The following UPP1 variants were observed in gnomAD, a reference collection of about 807,000 sequenced individuals.
UPP1 encodes uridine phosphorylase 1.
Under a neutral mutation model 29.6 loss-of-function variants are expected in UPP1, and 25 were observed. The observed-to-expected ratio is 0.85, with a 90% CI of 0.62 to 1.18. The LOEUF is 1.18. UPP1 is among the 50% of genes most tolerant of loss of function. UPP1 has a pLI of 0.00. For missense variants in UPP1, 368 were observed against 410.4 expected (o/e 0.90, Z 0.89); for synonymous variants, 165 against 159.8 (o/e 1.03, Z -0.25).
At chr7:48,107,632 C>T in intron 8 of UPP1, 125 bp downstream of exon 8, 1 of 1,151,898 alleles carries the variant, frequency 8.7e-7, no homozygotes, top group Non-Finnish European at 1.2e-6. Context: ...GTTTCCGCTG[C>T]CCCCAAGTCA....
intron 4 of UPP1, among the ~76,000 whole-genome samples, chr7:48,100,463 G>A (rs1166489119): frequency 6.6e-6 from 1 of 152,140 alleles, no homozygotes; most frequent in Admixed American, 6.5e-5. Flanking sequence ...AAAGGTCATT[G>A]TATTTTGTTT....
intron 6 of UPP1, chr7:48,103,902 G>C (rs996709763): frequency 2.4e-6 from 3 of 1,276,408 alleles, no homozygotes; most frequent in Admixed American, 2.5e-5. Flanking sequence ...TCCTCAACAG[G>C]GACATTTTTT....
chr7:48,107,320 C>A (rs1173852693), intron 7 of UPP1, 41 bp from the exon 8 acceptor site: 9 of 1,582,542 alleles, frequency 5.7e-6, no homozygotes, highest in Admixed American at 3.5e-5. Context: ...GTAGGAGCTT[C>A]TCACATGCAT....
chr7:48,089,032 T>A (rs1286961954), upstream of UPP1: 1 of 149,646 alleles, frequency 6.7e-6, no homozygotes, highest in Non-Finnish European at 1.5e-5. Context: ...AATTGCGGGC[T>A]GAGCCTCCCG....
Position 48,101,869 on chromosome 7 carries a change from A to G in UPP1, c.208A>G (p.Arg70Gly), listed in dbSNP as rs773852185. Reference protein sequence around the residue: ...GSPSRMKAFIRCVGAELGLDC... With the variant: ...GSPSRMKAFIGCVGAELGLDC... The stretch of plus-strand genomic sequence containing the variant: ...CCCCTCCCGGATGAAAGCCTTCATC[A>G]GGTGCGTTGGTGCAGAGCTGGGCCT... The change falls in exon 5 of 9, where the codon AGG becomes GGG. Residue 70 changes from arginine (R) to glycine (G), a missense_variant. Physicochemically the swap from Arg to Gly is moderately radical, Grantham distance 125. Transcript: ENST00000395564. 5.6e-6 allele frequency: 9 copies of G among 1,613,924 alleles called. No individual in the cohort carries two copies. The African/African-American group carries it at 1.2e-4, about 22-fold the overall frequency.
rs557644120 is a variant in UPP1 at position 48,098,431 on chromosome 7, G to T, written c.45-1239G>T. ...GTTTTTCTTGTCTGTGGTGTGTTAC[G>T]TGGGATTCAGAGATATATAAGACGT... On this transcript the variant is annotated intron_variant, in intron 3 of 8. Coordinates refer to ENST00000395564, the MANE Select transcript of UPP1 (RefSeq NM_003364.4). Among the ~76,000 whole-genome samples, 85 of 152,298 alleles carry T rather than the reference G, an allele frequency of 5.6e-4. 4 individuals are homozygous for T. In the South Asian group the frequency reaches 0.017, roughly 30 times the overall value.
Position 48,108,252 on chromosome 7 carries a change from G to A in UPP1, c.828G>A (p.Leu276=), listed in dbSNP as rs377023754. The change falls in exon 9 of 9, where the codon CTG becomes CTA. Residue 276 remains leucine (L), a synonymous_variant. Transcript: ENST00000395564. ...TGTGTGTCACCCTCCTGAACCGCCT[G>A]GAAGGGGACCAGATCAGCAGCCCTC... The part of the protein sequence containing the change: ...AVVCVTLLNR[L]EGDQISSPRN... 3.2e-5 allele frequency: 51 copies of A among 1,613,758 alleles called. No individual in the cohort carries two copies. Among genetic ancestry groups the A allele is most frequent in the Admixed American group, 6.7e-5 (4 of 60,006 alleles).
Position 48,107,427 on chromosome 7 carries a change from C to G in UPP1, c.713C>G (p.Ala238Gly), listed in dbSNP as rs1229387522. ...TEKDKQAYLE[A>G]AYAAGVRNIE... ...AAGGACAAGCAGGCGTATCTGGAGGCAGCCTATGCAGCCGGCGTCCGCAAT... is the reference window on the plus strand; with the variant it reads ...AAGGACAAGCAGGCGTATCTGGAGGGAGCCTATGCAGCCGGCGTCCGCAAT... The change falls in exon 8 of 9, where the codon GCA becomes GGA. Residue 238 changes from alanine to glycine, a missense_variant. Ala to Gly is a moderately conservative substitution (Grantham distance 60). Coordinates refer to ENST00000395564, the MANE Select transcript of UPP1 (RefSeq NM_003364.4). The G allele has an allele frequency of 2.5e-6, 4 of 1,614,088 alleles. No homozygotes were observed. The highest frequency in any genetic ancestry group is 3.4e-6 in the Non-Finnish European group (4 of 1,180,036).
intron 2 of UPP1, among the ~76,000 whole-genome samples, chr7:48,093,587 C>T (rs1314929419): frequency 6.6e-6 from 1 of 152,210 alleles, no homozygotes; most frequent in African/African-American, 2.4e-5. Context: ...TCTCACCCTC[C>T]TTCAAAGAGC....
At chr7:48,098,932 A>G (rs1482799886) in intron 3 of UPP1, among the ~76,000 whole-genome samples, 2 of 152,140 alleles carry the variant, frequency 1.3e-5, no homozygotes, top group African/African-American at 4.8e-5. Context: ...TTTTATTGGA[A>G]CACAGACACA....
At chr7:48,107,277 T>G in intron 7 of UPP1, 84 bp from the exon 8 acceptor site, 6 of 1,527,118 alleles carry the variant, frequency 3.9e-6, no homozygotes, top group Non-Finnish European at 5.3e-6. Flanking sequence ...CTTGTCCCTG[T>G]GTCCTTCTGG....
chr7:48,102,536 C>T (rs910114161), intron 5 of UPP1, among the ~76,000 whole-genome samples: 3 of 152,158 alleles, frequency 2.0e-5, no homozygotes, highest in African/African-American at 7.2e-5. Flanking sequence ...CCCTACCTCT[C>T]CAGTCAGCTG....
chr7:48,103,546 G>T, intron 6 of UPP1, 135 bp downstream of exon 6: 1 of 911,784 alleles, frequency 1.1e-6, no homozygotes, highest in South Asian at 1.5e-5. Context: ...CTTGTTAACA[G>T]GAGGTGTGAA....
intron 5 of UPP1, among the ~76,000 whole-genome samples, chr7:48,102,758 G>A (rs1356154976): frequency 6.6e-6 from 1 of 152,136 alleles, no homozygotes; most frequent in East Asian, 1.9e-4. Context: ...GACACTAGGG[G>A]GGGTGCTCTG....
chr7:48,099,746 A>G lies in UPP1; in HGVS notation c.121A>G (p.Thr41Ala), dbSNP rs1035076439. ...TATTCTCTATCATTTCAATCTCACC[A>G]CTAGCAGACACAATTTCCCAGCCTT... The part of the protein sequence containing the change: ...EDILYHFNLT[T>A]SRHNFPALFG... Residue 41 changes from threonine (T) to alanine (A), a missense_variant, in exon 4 of 9, where the codon ACT (threonine) becomes GCT (alanine). By Grantham distance (58) the Thr-to-Ala change is moderately conservative (BLOSUM62 0). Transcript: ENST00000395564. 1.2e-6 allele frequency: 2 copies of G among 1,613,688 alleles called. No individual in the cohort carries two copies. Among genetic ancestry groups the G allele is most frequent in the Non-Finnish European group, 1.7e-6 (2 of 1,179,598 alleles).
At chr7:48,105,995 A>G (rs1195656773) in intron 6 of UPP1, 1 of 152,234 alleles carries the variant, frequency 6.6e-6, no homozygotes, top group Non-Finnish European at 1.5e-5. Context: ...CTACTCCAGG[A>G]AGGCACGCCC....
chr7:48,096,660 T>C (rs1418763729), intron 3 of UPP1, among the ~76,000 whole-genome samples: 1 of 152,186 alleles, frequency 6.6e-6, no homozygotes, highest in African/African-American at 2.4e-5. Context: ...GCTGATAAAC[T>C]CCTGGAATCA....
In UPP1 at chr7:48,107,397, CG is replaced by C. The variant is rs528673920; in HGVS notation, c.685del (p.Glu229ArgfsTer45). 1.6e-4 allele frequency: 258 copies of C among 1,614,058 alleles called. 3 individuals are homozygous for C. In the South Asian group the frequency reaches 2.6e-3, roughly 16 times the overall value. ...GRLDGALCSY[T>X]EKDKQAYLEA... ...CTGGATGGGGCTCTCTGCTCCTACA[CG>C]GAGAAGGACAAGCAGGCGTATCTGG... On this transcript the variant is annotated frameshift_variant, in exon 8 of 9. Coordinates refer to ENST00000395564, the MANE Select transcript of UPP1 (RefSeq NM_003364.4). LOFTEE classifies it high-confidence loss of function.
intron 2 of UPP1, 95 bp from the exon 3 acceptor site, chr7:48,094,668 T>C: frequency 9.3e-7 from 1 of 1,070,288 alleles, no homozygotes; most frequent in Non-Finnish European, 1.4e-6. Flanking sequence ...GGAATTCCAC[T>C]TCATTGCACT....
Sources: gnomAD v4.1 joint callset for allele counts (sites outside exome capture counted in the v4.1 genomes callset) on GRCh38, gnomAD v4.1.1 for gene constraint, MANE v1.5 for transcripts, NCBI Gene and HGNC (gene_info 2026-07-23, HGNC 2026-07-21) for gene names.